The following CREM variants were observed in gnomAD, a reference collection of about 807,000 sequenced individuals.
CREM encodes the protein cAMP-responsive element modulator.
Under a neutral mutation model 37.3 loss-of-function variants are expected in CREM, and 13 were observed. The ratio of observed to expected loss-of-function variants is 0.35; its 90% CI spans 0.23 to 0.55. CREM has a LOEUF of 0.55. Ranked by LOEUF, CREM falls within the 20% of genes least tolerant of loss-of-function variation. The pLI is 0.88. For synonymous variants in CREM, 124 were observed against 120.2 expected (o/e 1.03, Z -0.21); for missense variants, 296 against 362.3 (o/e 0.82, Z 1.49).
In CREM at chr10:35,179,287, T is replaced by C; in HGVS notation, c.409+11T>C. 6.2e-7 allele frequency: 1 copy of C among 1,613,144 alleles called. No individual in the cohort carries two copies. ...GCACGGGGCAATACAGTATGTATGC[T>C]GCAATTCGATATGATACAGTGCTAG... On this transcript the variant is annotated intron_variant, in intron 5 of 7. Coordinates refer to ENST00000685392, the MANE Select transcript of CREM (RefSeq NM_183011.2).
chr10:35,165,424 C>T (rs1263212038), intron 3 of CREM, among the ~76,000 whole-genome samples: 1 of 152,134 alleles, frequency 6.6e-6, no homozygotes, highest in Admixed American at 6.5e-5. Flanking sequence ...AGATTGGGAG[C>T]GGATAAGCAT....
intron 3 of CREM, chr10:35,152,178 C>T (rs1218233479): frequency 3.3e-5 from 5 of 152,224 alleles, no homozygotes; most frequent in Admixed American, 3.3e-4. Flanking sequence ...TATCAGTAAA[C>T]AGTGTGGGAA....
At chr10:35,206,067 T>G (rs2095512238) in intron 6 of CREM, among the ~76,000 whole-genome samples, 6 of 150,964 alleles carry the variant, frequency 4.0e-5, no homozygotes, top group Admixed American at 4.0e-4. Flanking sequence ...GCTAACACGG[T>G]GAAACCCCGT....
chr10:35,201,326 G>C, intron 6 of CREM: 1 of 963,408 alleles, frequency 1.0e-6, no homozygotes, highest in Non-Finnish European at 1.6e-6. Context: ...TTAAGGAGGG[G>C]AAGAGGAAGG....
rs774712425 is a variant in CREM, at chr10:35,211,679, G to A, written c.*281G>A. The A allele has an allele frequency of 5.6e-6, 9 of 1,612,608 alleles. No homozygotes were observed. The highest frequency in any genetic ancestry group is 2.2e-5 in the East Asian group (1 of 44,882). ...AGGGAAGCTGCCAAAGAATGTCGACGTCGAAAGAAAGAATATGTAAAATGT... is the reference window on the plus strand; with the variant it reads ...AGGGAAGCTGCCAAAGAATGTCGACATCGAAAGAAAGAATATGTAAAATGT... On this transcript the variant is annotated 3_prime_UTR_variant, in exon 8 of 8. Transcript: ENST00000685392.
chr10:35,184,087 C>CAAAT (rs373059908), intron 5 of CREM, among the ~76,000 whole-genome samples: 1 of 151,964 alleles, frequency 6.6e-6, no homozygotes, highest in Non-Finnish European at 1.5e-5. Context: ...AATAAATGAA[C>CAAAT]AAATAAATAA....
chr10:35,194,049 A>T (rs2095036377), intron 6 of CREM, among the ~76,000 whole-genome samples: 1 of 135,052 alleles, frequency 7.4e-6, no homozygotes, highest in Admixed American at 8.5e-5. Flanking sequence ...GTGAGCCAAG[A>T]TTGCACCTTT....
At position 35,211,612 on chromosome 10, in the gene CREM, T is replaced by A; in HGVS notation, c.*214T>A. Reference sequence around the variant, plus strand: ...TACTTTGATCTGTTTGTCAATAGCATGCAAAAAATGCTTTGTTTGCCCTTT... The same window carrying A: ...TACTTTGATCTGTTTGTCAATAGCAAGCAAAAAATGCTTTGTTTGCCCTTT... On this transcript the variant is annotated 3_prime_UTR_variant, in exon 8 of 8. Transcript: ENST00000685392. The A allele has an allele frequency of 6.3e-7, 1 of 1,599,422 alleles. No individual in the cohort carries two copies. The highest frequency in any genetic ancestry group is 8.5e-7 in the Non-Finnish European group (1 of 1,173,002).
At chr10:35,172,120 A>AT (rs1168440785) in intron 3 of CREM, among the ~76,000 whole-genome samples, 1 of 147,776 alleles carries the variant, frequency 6.8e-6, no homozygotes, top group Non-Finnish European at 1.5e-5. Flanking sequence ...TTTTGTGTTA[A>AT]TTTTTTTCCT....
At chr10:35,210,666 G>A (rs181202553) in intron 7 of CREM, 58 of 151,980 alleles carry the variant, frequency 3.8e-4, no homozygotes, top group Admixed American at 3.1e-3. Context: ...ATTTCATTTC[G>A]GTTTATAAAA....
intron 5 of CREM, among the ~76,000 whole-genome samples, chr10:35,180,279 A>G (rs1251763212): frequency 6.6e-6 from 1 of 152,240 alleles, no homozygotes; most frequent in Non-Finnish European, 1.5e-5. Flanking sequence ...TTATCCAAAT[A>G]AGGTATTAAG....
At chr10:35,147,041 G>GT (rs755346866) in intron 2 of CREM, among the ~76,000 whole-genome samples, 10,953 of 120,218 alleles carry the variant, frequency 0.091, 1,062 homozygotes, top group East Asian at 0.19. Context: ...AGTTTTTTGG[G>GT]TTTTTTTTTT....
At chr10:35,175,933 T>G (rs201048600) in intron 3 of CREM, 2 of 1,551,746 alleles carry the variant, frequency 1.3e-6, no homozygotes, top group Non-Finnish European at 1.7e-6. Context: ...AAACTATACA[T>G]GTCCAGGGAG....
At chr10:35,133,817 C>T (rs918601963) in intron 1 of CREM, among the ~76,000 whole-genome samples, 6 of 152,220 alleles carry the variant, frequency 3.9e-5, no homozygotes, top group Admixed American at 2.6e-4. Flanking sequence ...GTAAGCACCC[C>T]TCCCTGTTGG....
chr10:35,173,775 C>T (rs948621107), intron 3 of CREM, among the ~76,000 whole-genome samples: 1 of 152,148 alleles, frequency 6.6e-6, no homozygotes, highest in South Asian at 2.1e-4. Flanking sequence ...AGTGTTCCTC[C>T]TTCTTAAGAT....
At chr10:35,147,257 G>C (rs1484481327) in intron 2 of CREM, among the ~76,000 whole-genome samples, 1 of 151,804 alleles carries the variant, frequency 6.6e-6, no homozygotes, top group Non-Finnish European at 1.5e-5. Context: ...GTTTCACCGT[G>C]TTAGCCAGGA....
At chr10:35,166,945 C>T (rs543856608) in intron 3 of CREM, among the ~76,000 whole-genome samples, 36 of 152,248 alleles carry the variant, frequency 2.4e-4, no homozygotes, top group African/African-American at 7.9e-4. Context: ...AGTTCAAGAC[C>T]AGCCTGGCAG....
At chr10:35,173,047 A>G (rs969194764) in intron 3 of CREM, among the ~76,000 whole-genome samples, 7 of 152,246 alleles carry the variant, frequency 4.6e-5, no homozygotes, top group African/African-American at 1.7e-4. Flanking sequence ...AATGTGATTT[A>G]TAATACTGTG....
intron 7 of CREM, chr10:35,209,226 T>C: frequency 2.5e-6 from 2 of 797,556 alleles, no homozygotes; most frequent in Non-Finnish European, 3.0e-6. Flanking sequence ...ACATATTTTC[T>C]TTTTATTCTT....
Sources: gnomAD v4.1 joint callset for allele counts (sites outside exome capture counted in the v4.1 genomes callset) on GRCh38, gnomAD v4.1.1 for gene constraint, MANE v1.5 for transcripts, NCBI Gene and HGNC (gene_info 2026-07-23, HGNC 2026-07-21) for gene names.